Variants in EOGT observed in about 807,000 individuals in gnomAD.
The protein encoded by EOGT is EGF domain-specific O-linked N-acetylglucosamine transferase.
EOGT carries 55 observed loss-of-function variants against 70.5 expected under a neutral mutation model. The ratio of observed to expected loss-of-function variants is 0.78; its 90% CI spans 0.63 to 0.98. The LOEUF is 0.98. Ranked by LOEUF, EOGT falls within the 50% of genes least tolerant of loss-of-function variation. The pLI, the probability that EOGT is intolerant of heterozygous loss-of-function variation, is 0.00. For missense variants in EOGT, 703 were observed against 641.9 expected, an observed-to-expected ratio of 1.10 and a Z score of -1.03; for synonymous variants, 246 against 217.1, an observed-to-expected ratio of 1.13 and a Z score of -1.17.
At chr3:68,990,697 AT>A (rs2090970739) in intron 10 of EOGT, among the ~76,000 whole-genome samples, 1 of 152,200 alleles carries the variant, frequency 6.6e-6, no homozygotes, top group Non-Finnish European at 1.5e-5. Flanking sequence ...AGCTAAGAAG[AT>A]CAATTAATTT....
At chr3:68,998,699 C>T (rs1320351044) in intron 9 of EOGT, among the ~76,000 whole-genome samples, 2 of 151,812 alleles carry the variant, frequency 1.3e-5, no homozygotes, top group Non-Finnish European at 2.9e-5. Flanking sequence ...ACTAAAAATA[C>T]AAAAATTAGG....
intron 8 of EOGT, among the ~76,000 whole-genome samples, chr3:69,001,973 C>T (rs757326257): frequency 6.6e-6 from 1 of 152,186 alleles, no homozygotes; most frequent in Non-Finnish European, 1.5e-5. Flanking sequence ...AGTCAGATCA[C>T]GAGGTCAGGA....
intron 14 of EOGT, among the ~76,000 whole-genome samples, chr3:68,985,094 T>C (rs1439536558): frequency 6.6e-6 from 1 of 152,130 alleles, no homozygotes; most frequent in Non-Finnish European, 1.5e-5. Context: ...GGGGGCACAA[T>C]GTACAAAAGG....
intron 7 of EOGT, among the ~76,000 whole-genome samples, chr3:69,004,886 A>C (rs1046870790): frequency 6.6e-6 from 1 of 152,106 alleles, no homozygotes. Flanking sequence ...CAACGTTAGA[A>C]GACCCCATCT....
intron 10 of EOGT, among the ~76,000 whole-genome samples, chr3:68,994,280 G>A (rs1014837774): frequency 6.6e-6 from 1 of 152,072 alleles, no homozygotes; most frequent in Middle Eastern, 3.2e-3. Context: ...GGAGAGCAAG[G>A]CTGCAGTGAG....
rs147327086 is a variant in EOGT, at chr3:68,998,059, G to A, written c.783C>T (p.His261=). The A allele has an allele frequency of 5.3e-3, 8,560 of 1,601,624 alleles. 42 individuals carry two copies. The highest frequency in any genetic ancestry group is 0.014 in the South Asian group (1,225 of 88,704). The part of the protein sequence containing the change: ...CDFINLYITQ[H]VNNSFSTDVY... ...CGTCAGTACTGAATGAGTTATTAAC[G>A]TGCTGAGTAATATAAAGATTGATGA... Residue 261 remains histidine (H), a synonymous_variant, in exon 10 of 18, where the codon CAC becomes CAT. Transcript: ENST00000383701.
Position 68,979,764 on chromosome 3 carries a change from A to G in EOGT, c.1238T>C (p.Leu413Pro), listed in dbSNP as rs1291979064. 1 of 1,613,578 alleles carries G rather than the reference A, an allele frequency of 6.2e-7. No homozygotes were observed. Among genetic ancestry groups the G allele is most frequent in the South Asian group, 1.1e-5 (1 of 91,050 alleles). ...TATGTCCGTGTTGTGTGTGATCCTTAGTTGATCTAAAAACCCAAGTTCTCT... is the reference window on the plus strand; with the variant it reads ...TATGTCCGTGTTGTGTGTGATCCTTGGTTGATCTAAAAACCCAAGTTCTCT... ...KYRELGFLDQLRITHNTDIFI... is the reference protein window; with the variant it reads ...KYRELGFLDQPRITHNTDIFI... The change falls in exon 16 of 18, where the codon CTA becomes CCA. Residue 413 changes from leucine (L) to proline (P), a missense_variant. Leu to Pro is a moderately conservative substitution (Grantham distance 98). Coordinates refer to ENST00000383701, the MANE Select transcript of EOGT (RefSeq NM_001278689.2).
At chr3:68,994,556 C>A (rs1276592587) in intron 10 of EOGT, among the ~76,000 whole-genome samples, 3 of 152,170 alleles carry the variant, frequency 2.0e-5, no homozygotes, top group Non-Finnish European at 4.4e-5. Flanking sequence ...CTTTGGGAGG[C>A]CAAGGCAGGC....
At chr3:69,006,754 T>G (rs1040685912) in intron 6 of EOGT, among the ~76,000 whole-genome samples, 3 of 152,190 alleles carry the variant, frequency 2.0e-5, no homozygotes, top group African/African-American at 7.2e-5. Flanking sequence ...CCAAACCACC[T>G]CTTGACAACG....
chr3:69,000,487 T>C (rs1417881698), intron 9 of EOGT, among the ~76,000 whole-genome samples: 1 of 152,236 alleles, frequency 6.6e-6, no homozygotes, highest in African/African-American at 2.4e-5. Context: ...TACTCGCTTT[T>C]ATTTCAAAAA....
chr3:69,001,646 A>T lies in EOGT; in HGVS notation c.689T>A (p.Val230Asp), dbSNP rs777596072. Residue 230 changes from valine to aspartate, a missense_variant, in exon 9 of 18, where the codon GTC becomes GAC. Val to Asp is a radical substitution (Grantham distance 152). Transcript: ENST00000383701. ...CATGAAATATGTTGGTTTTTCAATG[A>T]CAATGTCACATTTAGCATCTTCTAT... ...RPIEDAKCDI[V>D]IEKPTYFMKL... The T allele has an allele frequency of 1.9e-6, 3 of 1,611,028 alleles. No homozygotes were observed. Among genetic ancestry groups the T allele is most frequent in the Non-Finnish European group, 2.5e-6 (3 of 1,179,040 alleles).
intron 8 of EOGT, among the ~76,000 whole-genome samples, chr3:69,003,989 T>C (rs543077634): frequency 2.1e-4 from 32 of 152,206 alleles, no homozygotes; most frequent in Non-Finnish European, 2.5e-4. Context: ...ACTTCTACCT[T>C]GGCCTTCCAA....
At chr3:68,995,269 A>C (rs1252476036) in intron 10 of EOGT, among the ~76,000 whole-genome samples, 1 of 152,180 alleles carries the variant, frequency 6.6e-6, no homozygotes, top group Non-Finnish European at 1.5e-5. Context: ...ACAAACCCTT[A>C]CTTAGCGCCA....
chr3:68,995,497 T>C (rs1450325217), intron 10 of EOGT, among the ~76,000 whole-genome samples: 3 of 152,140 alleles, frequency 2.0e-5, no homozygotes, highest in Non-Finnish European at 4.4e-5. Context: ...CAGACTGCCC[T>C]CATGTCTCAT....
intron 8 of EOGT, among the ~76,000 whole-genome samples, chr3:69,003,521 C>T (rs1455377055): frequency 6.6e-6 from 1 of 152,166 alleles, no homozygotes; most frequent in African/African-American, 2.4e-5. Context: ...TCCTCCTTTG[C>T]CTTCTACCAT....
At chr3:69,001,781 C>T in intron 8 of EOGT, 67 bp from the exon 9 acceptor site, 2 of 1,095,614 alleles carry the variant, frequency 1.8e-6, no homozygotes, top group South Asian at 2.7e-5. Context: ...AACACTGTAA[C>T]TTAGGATCTG....
chr3:68,998,512 C>T (rs1031562391), intron 9 of EOGT, among the ~76,000 whole-genome samples: 9 of 152,104 alleles, frequency 5.9e-5, no homozygotes, highest in African/African-American at 2.2e-4. Flanking sequence ...TGGGGTCTTG[C>T]TATGGTGGCA....
Position 69,008,466 on chromosome 3 carries a change from C to G in EOGT, c.273G>C (p.Arg91Ser). 6.2e-7 allele frequency: 1 copy of G among 1,614,118 alleles called. No individual in the cohort carries two copies. The highest frequency in any genetic ancestry group is 8.5e-7 in the Non-Finnish European group (1 of 1,180,004). ...CATAGCTGCAAACTGGGTAACCAAA[C>G]CTGAACTCTGGTTTGCAGGATTTCT... ...GYEKSCKPEF[R>S]FGYPVCSYVD... The change falls in exon 5 of 18, where the codon AGG (arginine) becomes AGC (serine). Residue 91 changes from arginine (R) to serine (S), a missense_variant. Transcript: ENST00000383701.
intron 3 of EOGT, among the ~76,000 whole-genome samples, chr3:69,011,193 CT>C (rs57904466): frequency 3.5e-5 from 4 of 113,300 alleles, no homozygotes; most frequent in East Asian, 5.3e-4. Flanking sequence ...GATCTTTGTT[CT>C]TTTTTTTTTT....
Sources: gnomAD v4.1 joint callset for allele counts (sites outside exome capture counted in the v4.1 genomes callset) on GRCh38, gnomAD v4.1.1 for gene constraint, MANE v1.5 for transcripts, NCBI Gene and HGNC (gene_info 2026-07-23, HGNC 2026-07-21) for gene names.